CAPN2: variants seen among roughly 807,000 people sequenced by gnomAD.
The protein encoded by CAPN2 is calpain-2 catalytic subunit.
CAPN2 carries 92 observed loss-of-function variants against 102.3 expected under a neutral mutation model. The observed-to-expected ratio is 0.90, with a 90% CI of 0.76 to 1.07. The LOEUF is 1.07. CAPN2 is among the 50% of genes least tolerant of loss of function. The pLI is 0.00. For missense variants in CAPN2, 800 were observed against 909.4 expected (o/e 0.88, Z 1.55); for synonymous variants, 340 against 355.4 (o/e 0.96, Z 0.49).
chr1:223,761,263 G>A (rs537161008), intron 12 of CAPN2, among the ~76,000 whole-genome samples: 1 of 152,244 alleles, frequency 6.6e-6, no homozygotes, highest in Non-Finnish European at 1.5e-5. Flanking sequence ...ATCTCCAGCT[G>A]CCCACGTTGC....
At chr1:223,729,969 T>C (rs1369229657) in intron 2 of CAPN2, among the ~76,000 whole-genome samples, 3 of 119,484 alleles carry the variant, frequency 2.5e-5, no homozygotes, top group Non-Finnish European at 4.7e-5. Context: ...ACCACTGCAC[T>C]CCAGCCTAGG....
At chr1:223,730,188 T>G (rs897944165) in intron 2 of CAPN2, among the ~76,000 whole-genome samples, 35 of 152,024 alleles carry the variant, frequency 2.3e-4, no homozygotes, top group Non-Finnish European at 1.2e-4. Flanking sequence ...TAAAAGGTGC[T>G]ACTAGATGCT....
intron 2 of CAPN2, among the ~76,000 whole-genome samples, chr1:223,733,927 G>T (rs540619772): frequency 8.5e-4 from 129 of 152,368 alleles, no homozygotes; most frequent in Non-Finnish European, 1.3e-3. Context: ...TTCCCTGAGA[G>T]AACTGACAGC....
chr1:223,767,242 G>C (rs1661361478), intron 16 of CAPN2, among the ~76,000 whole-genome samples: 1 of 151,794 alleles, frequency 6.6e-6, no homozygotes, highest in African/African-American at 2.4e-5. Flanking sequence ...ACAATGTGCA[G>C]GTTAGTTACA....
At chr1:223,716,786 G>A (rs1414291392) in intron 1 of CAPN2, among the ~76,000 whole-genome samples, 1 of 152,030 alleles carries the variant, frequency 6.6e-6, no homozygotes, top group Non-Finnish European at 1.5e-5. Flanking sequence ...AACACACTCA[G>A]AGGGCTGCTG....
At chr1:223,741,988 T>G (rs1660629460) in intron 2 of CAPN2, among the ~76,000 whole-genome samples, 1 of 152,110 alleles carries the variant, frequency 6.6e-6, no homozygotes, top group Non-Finnish European at 1.5e-5. Context: ...GATCTGTCAT[T>G]AGCGTATATA....
At chr1:223,746,160 A>G (rs551335267) in intron 4 of CAPN2, among the ~76,000 whole-genome samples, 1 of 152,106 alleles carries the variant, frequency 6.6e-6, no homozygotes, top group African/African-American at 2.4e-5. Context: ...TACAGTCCCA[A>G]TCCAGGAAGG....
At chr1:223,703,166 C>T (rs78386831) in intron 1 of CAPN2, among the ~76,000 whole-genome samples, 2,278 of 152,284 alleles carry the variant, frequency 0.015, 60 homozygotes, top group African/African-American at 0.051. Context: ...ATGCCAACTC[C>T]ACTACCCACT....
chr1:223,760,223 G>A (rs1000839830), intron 12 of CAPN2, among the ~76,000 whole-genome samples: 1 of 152,216 alleles, frequency 6.6e-6, no homozygotes, highest in African/African-American at 2.4e-5. Flanking sequence ...AGGAGCCAAG[G>A]ATGTGTTGGA....
intron 20 of CAPN2, among the ~76,000 whole-genome samples, chr1:223,774,593 A>C (rs895055028): frequency 4.6e-5 from 7 of 152,240 alleles, no homozygotes; most frequent in African/African-American, 1.7e-4. Flanking sequence ...TTCACTTTTC[A>C]TGTGTGCAAT....
In CAPN2 at chr1:223,755,866, G is replaced by T. The variant is rs3754087; in HGVS notation, c.1305+217G>T. ...TTGTGGGGCCTTCTAAGCCCTTCAC[G>T]GGCCCCCCACAGCCAGCCTGCAGGG... On this transcript the variant is annotated intron_variant, in intron 10 of 20. Transcript: ENST00000295006. This position sits in a 1 kb window ranked among gnomAD's most constrained non-coding sequence, Gnocchi z 4.1. Among the ~76,000 whole-genome samples the T allele has an allele frequency of 1.3e-5, 2 of 152,198 alleles. No individual in the cohort carries two copies. The highest frequency in any genetic ancestry group is 1.5e-5 in the Non-Finnish European group (1 of 68,038).
chr1:223,712,645 C>T lies in CAPN2; in HGVS notation c.5C>T (p.Ala2Val), dbSNP rs747477303. The change falls in exon 1 of 21, where the codon GCG becomes GTG. Residue 2 changes from alanine (A) to valine (V), a missense_variant. Coordinates refer to ENST00000295006, the MANE Select transcript of CAPN2 (RefSeq NM_001748.5). Reference sequence around the variant, plus strand: ...TACGGCCGCCGGGACCGCAGCATGGCGGGCATCGCGGCCAAGCTGGCGAAG... The same window carrying T: ...TACGGCCGCCGGGACCGCAGCATGGTGGGCATCGCGGCCAAGCTGGCGAAG... Reference protein sequence around the residue: MAGIAAKLAKDR... With the variant: MVGIAAKLAKDR... The T allele has an allele frequency of 3.9e-5, 59 of 1,527,712 alleles. 1 individual carries two copies. In the South Asian group the frequency reaches 7.1e-4, roughly 18 times the overall value. The allele number at this position is 1,527,712 out of a possible 1,614,324, so 94.6% of individuals were successfully genotyped here. A position where few individuals can be genotyped will look rare whatever the true frequency, so the allele number is the denominator to read the frequency against.
At chr1:223,763,071 C>T (rs1661227221) in intron 14 of CAPN2, among the ~76,000 whole-genome samples, 2 of 152,090 alleles carry the variant, frequency 1.3e-5, no homozygotes, top group African/African-American at 4.8e-5. Context: ...AGTCCTCCCA[C>T]CTCAGCCTCC....
rs535560988 is a variant in CAPN2, at chr1:223,774,771, C to G, written c.2080-63C>G. The G allele has an allele frequency of 7.4e-6, 11 of 1,489,044 alleles. No individual in the cohort carries two copies. In the East Asian group the frequency reaches 2.5e-4, roughly 34 times the overall value. The allele number at this position is 1,489,044 out of a possible 1,614,324, so 92.2% of individuals were successfully genotyped here. A position where few individuals can be genotyped will look rare whatever the true frequency, so the allele number is the denominator to read the frequency against. On this transcript the variant is annotated intron_variant, in intron 20 of 20. Coordinates refer to ENST00000295006, the MANE Select transcript of CAPN2 (RefSeq NM_001748.5). ...AGTTTTTTGGAACAATCTACAGGTA[C>G]TTAAATAGCCTTTAATTTTAAAAGT...
Position 223,712,626 on chromosome 1 carries a change from C to A in CAPN2, c.-15C>A. ...CCGACCTTTCTCTGCGCAGTACGGC[C>A]GCCGGGACCGCAGCATGGCGGGCAT... On this transcript the variant is annotated 5_prime_UTR_variant, in exon 1 of 21. Transcript: ENST00000295006. 1 of 1,512,414 alleles carries A rather than the reference C, an allele frequency of 6.6e-7. No individual in the cohort carries two copies. Among genetic ancestry groups the A allele is most frequent in the Non-Finnish European group, 8.9e-7 (1 of 1,129,598 alleles). 93.7% of individuals were successfully genotyped at this position (1,512,414 alleles called of 1,614,324 possible). A position where few individuals can be genotyped will look rare whatever the true frequency, so the allele number is the denominator to read the frequency against.
upstream of CAPN2, among the ~76,000 whole-genome samples, chr1:223,710,256 G>T (rs1325135697): frequency 6.6e-6 from 1 of 152,142 alleles, no homozygotes; most frequent in Non-Finnish European, 1.5e-5. Flanking sequence ...CTGCACTCCA[G>T]CCTGGGTGAC....
At chr1:223,766,303 T>C in intron 15 of CAPN2, 64 bp from the exon 16 acceptor site, 2 of 1,187,122 alleles carry the variant, frequency 1.7e-6, no homozygotes, top group South Asian at 2.4e-5. Context: ...TCCATGATTG[T>C]GGAAAGTTCA....
chr1:223,728,532 A>G (rs1224474099), intron 2 of CAPN2, among the ~76,000 whole-genome samples: 2 of 152,220 alleles, frequency 1.3e-5, no homozygotes, highest in African/African-American at 4.8e-5. Context: ...CCCAGGATCA[A>G]AGAGAAGGGA....
At chr1:223,705,731 A>T (rs4653829) in intron 1 of CAPN2, among the ~76,000 whole-genome samples, 150,511 of 152,290 alleles carry the variant, frequency 0.99, 74,402 homozygotes, top group Middle Eastern at 1. Flanking sequence ...GTTCCCTACA[A>T]CAGGAAGCGT....
Sources: gnomAD v4.1 joint callset for allele counts (sites outside exome capture counted in the v4.1 genomes callset) on GRCh38, gnomAD v4.1.1 for gene constraint, Gnocchi (gnomAD v3.1) non-coding constraint, MANE v1.5 for transcripts, NCBI Gene and HGNC (gene_info 2026-07-23, HGNC 2026-07-21) for gene names.